ASTN1: variants seen among roughly 807,000 people sequenced by gnomAD.
ASTN1 encodes astrotactin 1.
ASTN1 carries 41 observed loss-of-function variants against 140.7 expected under a neutral mutation model. That is an observed-to-expected ratio of 0.29 (90% CI 0.23 to 0.38). ASTN1 has a LOEUF of 0.38. Among genes scored for constraint, ASTN1 ranks in the 10% least tolerant of loss-of-function variants. ASTN1 has a pLI of 1.00. For missense variants in ASTN1, 1,479 were observed against 1,678.8 expected (o/e 0.88, Z 2.08); for synonymous variants, 640 against 652.2 (o/e 0.98, Z 0.29).
intron 1 of ASTN1, among the ~76,000 whole-genome samples, chr1:177,156,093 A>T (rs534241144): frequency 6.6e-6 from 1 of 152,132 alleles, no homozygotes; most frequent in Admixed American, 6.5e-5. Context: ...AATATGGTGA[A>T]ACTCCGTCTC....
intron 16 of ASTN1, among the ~76,000 whole-genome samples, chr1:176,922,139 T>C (rs1262188648): frequency 6.6e-6 from 1 of 152,150 alleles, no homozygotes; most frequent in African/African-American, 2.4e-5. Flanking sequence ...GGATTGTTCA[T>C]GAAAATCAGG....
chr1:176,896,508 C>G (rs987220523), intron 16 of ASTN1, among the ~76,000 whole-genome samples: 5 of 152,174 alleles, frequency 3.3e-5, no homozygotes, highest in Admixed American at 3.3e-4. Flanking sequence ...CCCCCCTCCT[C>G]CAGCCCCTCA....
chr1:177,124,197 C>A (rs1681532028), intron 1 of ASTN1, among the ~76,000 whole-genome samples: 1 of 152,164 alleles, frequency 6.6e-6, no homozygotes, highest in South Asian at 2.1e-4. Context: ...AGGTAGCCAG[C>A]ATTTGAAATC....
At chr1:176,868,521 C>T (rs1454636160) in intron 22 of ASTN1, among the ~76,000 whole-genome samples, 1 of 152,194 alleles carries the variant, frequency 6.6e-6, no homozygotes, top group Admixed American at 6.5e-5. Flanking sequence ...TTCCAAATTT[C>T]CTTTCACAAG....
chr1:177,003,993 G>C (rs528156014), intron 8 of ASTN1, among the ~76,000 whole-genome samples: 4 of 151,754 alleles, frequency 2.6e-5, no homozygotes, highest in African/African-American at 9.7e-5. Context: ...GCAAGACAAA[G>C]AAAAAAAGGG....
chr1:177,064,017 A>G (rs1017203957), intron 1 of ASTN1, among the ~76,000 whole-genome samples: 1 of 152,136 alleles, frequency 6.6e-6, no homozygotes, highest in African/African-American at 2.4e-5. Context: ...TTTATTTCCC[A>G]GGAGATCCTC....
intron 2 of ASTN1, among the ~76,000 whole-genome samples, chr1:177,050,328 T>C (rs926763687): frequency 2.0e-5 from 3 of 152,168 alleles, no homozygotes; most frequent in Non-Finnish European, 2.9e-5. Flanking sequence ...TAAGCAGTTA[T>C]ACAAATCCCA....
intron 3 of ASTN1, 28 bp from the exon 4 acceptor site, chr1:177,030,980 C>G: frequency 1.9e-6 from 3 of 1,593,996 alleles, no homozygotes; most frequent in Non-Finnish European, 2.6e-6. Flanking sequence ...GAGGCAAAAA[C>G]TTTAAGAGAA....
chr1:177,086,000 C>G (rs1371946175), intron 1 of ASTN1, among the ~76,000 whole-genome samples: 1 of 152,092 alleles, frequency 6.6e-6, no homozygotes, highest in Non-Finnish European at 1.5e-5. Context: ...GGTTCTCATT[C>G]AAGCTCTCCA....
At chr1:177,082,207 T>C (rs1414827051) in intron 1 of ASTN1, among the ~76,000 whole-genome samples, 1 of 152,172 alleles carries the variant, frequency 6.6e-6, no homozygotes, top group Non-Finnish European at 1.5e-5. Context: ...GCCATGGTCA[T>C]GGGGATGGAC....
intron 1 of ASTN1, among the ~76,000 whole-genome samples, chr1:177,150,649 G>A (rs368367330): frequency 5.3e-5 from 8 of 152,122 alleles, no homozygotes; most frequent in Admixed American, 3.3e-4. Flanking sequence ...CAGTTTCAGC[G>A]TTGAAGAATT....
At chr1:177,026,229 T>C (rs1328062471) in intron 5 of ASTN1, among the ~76,000 whole-genome samples, 1 of 152,148 alleles carries the variant, frequency 6.6e-6, no homozygotes, top group Non-Finnish European at 1.5e-5. Context: ...ATTCTGTGCA[T>C]GTTACTATCC....
At chr1:176,919,377 ACACGTGC>A (rs1261446266) in intron 16 of ASTN1, among the ~76,000 whole-genome samples, 2 of 152,238 alleles carry the variant, frequency 1.3e-5, no homozygotes, top group Admixed American at 1.3e-4. Context: ...AGAATGCAGG[ACACGTGC>A]TCAATACAGA....
chr1:177,034,865 A>G (rs944006903), intron 2 of ASTN1, among the ~76,000 whole-genome samples: 2 of 152,226 alleles, frequency 1.3e-5, no homozygotes, highest in Non-Finnish European at 2.9e-5. Flanking sequence ...TTTATTCCCT[A>G]AGGAGCTGTA....
chr1:177,102,706 A>G (rs1680358678), intron 1 of ASTN1, among the ~76,000 whole-genome samples: 1 of 152,238 alleles, frequency 6.6e-6, no homozygotes, highest in Non-Finnish European at 1.5e-5. Context: ...TTTATAAATG[A>G]TGGTATCCAA....
At chr1:177,147,173 A>G (rs1247304163) in intron 1 of ASTN1, among the ~76,000 whole-genome samples, 2 of 152,202 alleles carry the variant, frequency 1.3e-5, no homozygotes, top group East Asian at 3.9e-4. Context: ...ATACCAATTC[A>G]GTGAAAAAGA....
At chr1:177,119,238 T>C (rs886627038) in intron 1 of ASTN1, among the ~76,000 whole-genome samples, 9 of 152,202 alleles carry the variant, frequency 5.9e-5, no homozygotes, top group African/African-American at 1.9e-4. Flanking sequence ...ATTCATCCCT[T>C]TATCTTCATT....
chr1:177,041,811 T>C (rs1676988225), intron 2 of ASTN1, among the ~76,000 whole-genome samples: 1 of 152,188 alleles, frequency 6.6e-6, no homozygotes, highest in Admixed American at 6.5e-5. Context: ...CTTTCTCCCA[T>C]TTCCTCAAAG....
intron 1 of ASTN1, among the ~76,000 whole-genome samples, chr1:177,147,277 C>G (rs1379769327): frequency 6.6e-6 from 1 of 152,170 alleles, no homozygotes; most frequent in Non-Finnish European, 1.5e-5. Flanking sequence ...CTATGGAACA[C>G]TTAGAAGGCT....
Sources: allele counts gnomAD v4.1 joint callset (sites outside exome capture counted in the v4.1 genomes callset), GRCh38; gene constraint gnomAD v4.1.1; transcripts MANE v1.5; gene names NCBI Gene and HGNC (gene_info 2026-07-23, HGNC 2026-07-21).